The following CHST15 variants were observed in gnomAD, a reference collection of about 807,000 sequenced individuals.
The protein encoded by CHST15 is B cell RAG associated protein (GALNAC4S-6ST).
Under a neutral mutation model 53.6 loss-of-function variants are expected in CHST15, and 30 were observed. The observed-to-expected ratio is 0.56, with a 90% CI of 0.42 to 0.76. The LOEUF (loss-of-function observed/expected upper bound fraction) is 0.76, where lower values mean the gene tolerates loss of function less well. CHST15 is among the 30% of genes least tolerant of loss of function. The pLI, the probability that CHST15 is intolerant of heterozygous loss-of-function variation, is 0.00. For synonymous variants in CHST15, 296 were observed against 289.8 expected (o/e 1.02, Z -0.22); for missense variants, 627 against 740.5 (o/e 0.85, Z 1.78).
Position 124,008,789 on chromosome 10 carries a change from T to C in CHST15, c.*1360A>G. 1 of 1,180,946 alleles carries C rather than the reference T, an allele frequency of 8.5e-7. No homozygotes were observed. The highest frequency in any genetic ancestry group is 1.1e-6 in the Non-Finnish European group (1 of 932,902). 73.2% of individuals were successfully genotyped at this position (1,180,946 alleles called of 1,614,324 possible). A position where few individuals can be genotyped will look rare whatever the true frequency, so the allele number is the denominator to read the frequency against. On this transcript the variant is annotated 3_prime_UTR_variant, in exon 8 of 8. Coordinates refer to ENST00000435907, the MANE Select transcript of CHST15 (RefSeq NM_001270764.2). ...CACAGGAAGCTTCCCTTGACAATAC[T>C]TGAGTGCAAAGCTTCATCCAGGTCC...
chr10:124,069,791 C>T (rs541219450), intron 1 of CHST15, among the ~76,000 whole-genome samples: 9 of 152,326 alleles, frequency 5.9e-5, no homozygotes, highest in South Asian at 4.1e-4. Context: ...CGAGGAAGGA[C>T]GCAGATTTTT....
intron 5 of CHST15, among the ~76,000 whole-genome samples, chr10:124,025,579 T>C (rs1946968188): frequency 6.6e-6 from 1 of 152,296 alleles, no homozygotes; most frequent in Non-Finnish European, 1.5e-5. Context: ...ATGGCCACCA[T>C]CTGGATTCCG....
chr10:124,020,624 A>G, intron 6 of CHST15: 1 of 987,932 alleles, frequency 1.0e-6, no homozygotes, highest in Non-Finnish European at 1.2e-6. Context: ...TGGAACACGC[A>G]GCGGCAATGC....
At chr10:124,065,558 G>T (rs1321179099) in intron 1 of CHST15, among the ~76,000 whole-genome samples, 1 of 152,056 alleles carries the variant, frequency 6.6e-6, no homozygotes, top group African/African-American at 2.4e-5. Flanking sequence ...ACTGGCCCTG[G>T]GGTTCCCGAC....
intron 6 of CHST15, chr10:124,020,834 ACT>A (rs1278223995): frequency 1.3e-5 from 16 of 1,213,710 alleles, no homozygotes; most frequent in African/African-American, 9.3e-5. Context: ...TTCAATTGAG[ACT>A]CTGTCAAAGA....
chr10:124,049,083 C>CA (rs1948101164), intron 1 of CHST15, among the ~76,000 whole-genome samples: 1 of 152,228 alleles, frequency 6.6e-6, no homozygotes, highest in Non-Finnish European at 1.5e-5. Flanking sequence ...GCAAAACACT[C>CA]AGATACAGTG....
chr10:124,047,671 T>A (rs1948050919), intron 1 of CHST15, among the ~76,000 whole-genome samples: 1 of 152,206 alleles, frequency 6.6e-6, no homozygotes, highest in Non-Finnish European at 1.5e-5. Context: ...AAAATTAGGA[T>A]AATAAGGACA....
intron 1 of CHST15, among the ~76,000 whole-genome samples, chr10:124,089,911 T>G (rs1323238879): frequency 6.6e-6 from 1 of 152,156 alleles, no homozygotes; most frequent in East Asian, 1.9e-4. Context: ...AGGAATTATA[T>G]GAAAAGGTTC....
chr10:124,011,901 T>A, intron 7 of CHST15: 1 of 971,422 alleles, frequency 1.0e-6, no homozygotes, highest in Non-Finnish European at 1.2e-6. Context: ...GGTGACATCC[T>A]GTTGGTCCTA....
At chr10:124,029,643 A>G (rs1050385824) in intron 5 of CHST15, among the ~76,000 whole-genome samples, 2 of 152,226 alleles carry the variant, frequency 1.3e-5, no homozygotes, top group Non-Finnish European at 2.9e-5. Flanking sequence ...AGTGACTCTC[A>G]TGGCAGATGT....
At chr10:124,092,557 C>T (rs976761227) in intron 1 of CHST15, 2 of 152,426 alleles carry the variant, frequency 1.3e-5, no homozygotes, top group African/African-American at 2.4e-5. Flanking sequence ...CCAGGCCCGC[C>T]CCCGCCATCC....
intron 3 of CHST15, among the ~76,000 whole-genome samples, chr10:124,043,210 T>C (rs916179378): frequency 2.6e-5 from 4 of 152,178 alleles, no homozygotes; most frequent in African/African-American, 9.7e-5. Context: ...GAAGACTAGA[T>C]TCCAGAGGCC....
chr10:124,059,279 C>T (rs1842443252), intron 1 of CHST15, among the ~76,000 whole-genome samples: 1 of 152,206 alleles, frequency 6.6e-6, no homozygotes, highest in Non-Finnish European at 1.5e-5. Context: ...CAAACACCTG[C>T]AACATCAAAC....
At chr10:124,092,410 G>A (rs933195183) in intron 1 of CHST15, 3 of 152,294 alleles carry the variant, frequency 2.0e-5, no homozygotes, top group Non-Finnish European at 2.9e-5. Context: ...GGCAACTCCC[G>A]AGTCACGCCG....
In CHST15 at chr10:124,038,483, C is replaced by T. The variant is rs145047187; in HGVS notation, c.1190+32G>A. 25 of 1,603,656 alleles carry T rather than the reference C, an allele frequency of 1.6e-5. No homozygotes were observed. In the African/African-American group the frequency reaches 2.9e-4, roughly 19 times the overall value. On this transcript the variant is annotated intron_variant, in intron 5 of 7. Coordinates refer to ENST00000435907, the MANE Select transcript of CHST15 (RefSeq NM_001270764.2). ...ACTGTTCTTCAAAAGTTCCTCTTCT[C>T]ACCCCAAATACAACACACAGAAACT...
intron 1 of CHST15, among the ~76,000 whole-genome samples, chr10:124,048,132 G>A (rs1452585368): frequency 6.6e-6 from 1 of 152,158 alleles, no homozygotes; most frequent in African/African-American, 2.4e-5. Flanking sequence ...TTCCCAAAAT[G>A]TCTTCCTCCC....
intron 5 of CHST15, among the ~76,000 whole-genome samples, chr10:124,028,823 G>A (rs188932867): frequency 1.5e-4 from 23 of 152,344 alleles, no homozygotes; most frequent in Admixed American, 7.8e-4. Flanking sequence ...TGAAGTTGCA[G>A]GCGGCTGGGA....
chr10:124,089,096 T>C (rs139944091), intron 1 of CHST15, among the ~76,000 whole-genome samples: 29 of 152,290 alleles, frequency 1.9e-4, no homozygotes, highest in Middle Eastern at 3.4e-3. Flanking sequence ...AAACATGATC[T>C]CCTCATTCAC....
At position 124,036,923 on chromosome 10, in the gene CHST15, C is replaced by T. The variant is rs867230734; in HGVS notation, c.1190+1592G>A. 1.3e-5 allele frequency among the ~76,000 whole-genome samples: 2 copies of T among 152,124 alleles called. No individual in the cohort carries two copies. The highest frequency in any genetic ancestry group is 2.4e-5 in the African/African-American group (1 of 41,404). ...GACAAATCACCACGAACTCGTGGTG[C>T]GTAATGACAGGACTTTCTTCCCTCA... On this transcript the variant is annotated intron_variant, in intron 5 of 7. Transcript: ENST00000435907. The surrounding 1 kb of genome is among the most constrained non-coding windows in gnomAD (Gnocchi z 5.1).
Sources: gnomAD v4.1 joint callset for allele counts (sites outside exome capture counted in the v4.1 genomes callset) on GRCh38, gnomAD v4.1.1 for gene constraint, Gnocchi (gnomAD v3.1) non-coding constraint, MANE v1.5 for transcripts, NCBI Gene and HGNC (gene_info 2026-07-23, HGNC 2026-07-21) for gene names.